The following LPP variants were observed in gnomAD, a reference collection of about 807,000 sequenced individuals.
The protein encoded by LPP is LIM domain containing preferred translocation partner in lipoma.
A neutral mutation model predicts 60.4 loss-of-function variants in LPP; 38 were observed. The ratio of observed to expected loss-of-function variants is 0.63; its 90% CI spans 0.49 to 0.83. The LOEUF is 0.83. LPP is among the 40% of genes least tolerant of loss of function. The pLI, the probability that LPP is intolerant of heterozygous loss-of-function variation, is 0.00. For missense variants in LPP, 902 were observed against 783.6 expected (o/e 1.15, Z -1.80); for synonymous variants, 328 against 290.8 (o/e 1.13, Z -1.30).
intron 4 of LPP, among the ~76,000 whole-genome samples, chr3:188,447,451 A>G (rs1795490310): frequency 6.6e-6 from 1 of 152,060 alleles, no homozygotes; most frequent in Non-Finnish European, 1.5e-5. Context: ...CTCTACTAAA[A>G]ATACAAAAAT....
intron 7 of LPP, among the ~76,000 whole-genome samples, chr3:188,700,376 C>T (rs763203210): frequency 3.3e-5 from 5 of 152,056 alleles, no homozygotes; most frequent in East Asian, 1.9e-4. Flanking sequence ...GCTGACATTG[C>T]GACAGATAGT....
At chr3:188,434,492 G>A (rs1178039074) in intron 4 of LPP, among the ~76,000 whole-genome samples, 1 of 152,128 alleles carries the variant, frequency 6.6e-6, no homozygotes, top group Admixed American at 6.6e-5. Flanking sequence ...GATTTTACTA[G>A]AGTGGTGCCA....
intron 8 of LPP, among the ~76,000 whole-genome samples, chr3:188,737,589 A>T (rs560842365): frequency 1.2e-4 from 19 of 152,238 alleles, no homozygotes; most frequent in Admixed American, 1.1e-3. Flanking sequence ...CAGTTGTGAG[A>T]TGGAGGCAGC....
At chr3:188,439,172 A>G (rs1793135859) in intron 4 of LPP, among the ~76,000 whole-genome samples, 2 of 152,152 alleles carry the variant, frequency 1.3e-5, no homozygotes, top group African/African-American at 4.8e-5. Context: ...GTCACCAGCC[A>G]CCTTTTCTAT....
intron 6 of LPP, among the ~76,000 whole-genome samples, chr3:188,596,607 T>G (rs556396637): frequency 6.6e-6 from 1 of 152,214 alleles, no homozygotes; most frequent in African/African-American, 2.4e-5. Flanking sequence ...GAGTGTTTTC[T>G]GCAAAGAGGA....
chr3:188,194,199 A>G (rs1459604509), intron 1 of LPP, among the ~76,000 whole-genome samples: 1 of 152,226 alleles, frequency 6.6e-6, no homozygotes, highest in African/African-American at 2.4e-5. Context: ...GTAAATTTAG[A>G]CAGCAAAAGA....
chr3:188,523,245 C>A (rs1475225747), intron 5 of LPP, among the ~76,000 whole-genome samples: 1 of 152,022 alleles, frequency 6.6e-6, no homozygotes, highest in Admixed American at 6.6e-5. Context: ...AACAAGGAAG[C>A]CAACTGCCTC....
intron 8 of LPP, among the ~76,000 whole-genome samples, chr3:188,743,107 C>A (rs1725012628): frequency 1.3e-5 from 2 of 152,108 alleles, no homozygotes; most frequent in African/African-American, 4.8e-5. Context: ...TTTGCTGAAC[C>A]ATACCTCATA....
At chr3:188,324,661 T>C (rs1246377913) in intron 2 of LPP, among the ~76,000 whole-genome samples, 1 of 152,210 alleles carries the variant, frequency 6.6e-6, no homozygotes, top group East Asian at 1.9e-4. Context: ...TTGCCATGAC[T>C]ATGGCAATAG....
Position 188,282,018 on chromosome 3 carries a change from C to CT in LPP, c.-67+56498dup, listed in dbSNP as rs370011093. ...TTGCCCTTTGGGAGACGTTTCTTCCCTTTTTTTGTGTCTTTCTACCTTGTC... is the reference window on the plus strand; with the variant it reads ...TTGCCCTTTGGGAGACGTTTCTTCCCTTTTTTTTGTGTCTTTCTACCTTGTC... On this transcript the variant is annotated intron_variant, in intron 2 of 11. Transcript: ENST00000617246. Among the ~76,000 whole-genome samples, 8 of 152,116 alleles carry CT rather than the reference C, an allele frequency of 5.3e-5. No homozygotes were observed. The East Asian group carries it at 7.7e-4, about 15-fold the overall frequency.
intron 9 of LPP, among the ~76,000 whole-genome samples, chr3:188,853,077 G>A (rs1763043791): frequency 6.6e-6 from 1 of 152,116 alleles, no homozygotes; most frequent in Non-Finnish European, 1.5e-5. Flanking sequence ...TTGAACCCGG[G>A]AAGTGGAGGT....
rs56278922 is a variant in LPP, at chr3:188,311,471, T to TCTAAACTAAACTAAA, written c.-66-30146_-66-30132dup. ...TTGGATAATGGAGCGAGACCCTATCTCTAAACTAAACTAAACTAAACTAAA... is the reference window on the plus strand; with the variant it reads ...TTGGATAATGGAGCGAGACCCTATCTCTAAACTAAACTAAACTAAACTAAACTAAACTAAACTAAA... On this transcript the variant is annotated intron_variant, in intron 2 of 11. Transcript: ENST00000617246. Among the ~76,000 whole-genome samples the TCTAAACTAAACTAAA allele has an allele frequency of 5.1e-3, 725 of 142,056 alleles. 5 individuals are homozygous for TCTAAACTAAACTAAA. Among genetic ancestry groups the TCTAAACTAAACTAAA allele is most frequent in the Middle Eastern group, 0.014 (4 of 278 alleles). 93.2% of individuals were successfully genotyped at this position (142,056 alleles called of 152,430 possible).
intron 2 of LPP, among the ~76,000 whole-genome samples, chr3:188,303,611 A>G (rs1280089808): frequency 1.3e-5 from 2 of 152,280 alleles, no homozygotes; most frequent in East Asian, 1.9e-4. Context: ...AGTATATGTC[A>G]CCAGCGGTGG....
chr3:188,498,348 C>A (rs186299792), intron 5 of LPP, among the ~76,000 whole-genome samples: 73 of 152,202 alleles, frequency 4.8e-4, no homozygotes, highest in African/African-American at 1.7e-3. Context: ...CACCAATAAC[C>A]CCCCATTCCA....
At chr3:188,180,328 C>T (rs1448342023) in intron 1 of LPP, 1 of 155,078 alleles carries the variant, frequency 6.4e-6, no homozygotes, top group East Asian at 1.9e-4. Flanking sequence ...TGGCTGTCCC[C>T]TGCCAGTCAT....
intron 9 of LPP, among the ~76,000 whole-genome samples, chr3:188,863,174 T>C (rs1466688289): frequency 6.6e-6 from 1 of 152,212 alleles, no homozygotes; most frequent in Non-Finnish European, 1.5e-5. Context: ...TTTTCTATTG[T>C]TGTTAATACT....
rs537339447 is a variant in LPP, at chr3:188,534,813, ACT to A, written c.429+10028_429+10029del. 8.5e-5 allele frequency among the ~76,000 whole-genome samples: 13 copies of A among 152,284 alleles called. No homozygotes were observed. In the East Asian group the frequency reaches 2.3e-3, roughly 27 times the overall value. On this transcript the variant is annotated intron_variant, in intron 6 of 11. Transcript: ENST00000617246. ...GACAGAAGGTTGGAGGTGGTTAATA[ACT>A]CATCCTACATATCACAATTTTTCAT...
rs1769635623 is a variant in LPP, at chr3:188,879,234, T to G, written c.*4755T>G. ...TGAAGCTACTATGACTTGGTAAGGA[T>G]TCTTCCTCTCTTGCTTTCTTCCTCC... On this transcript the variant is annotated 3_prime_UTR_variant, in exon 12 of 12. Transcript: ENST00000617246. 1 of 230,966 alleles carries G rather than the reference T, an allele frequency of 4.3e-6. No homozygotes were observed. Among genetic ancestry groups the G allele is most frequent in the Non-Finnish European group, 8.6e-6 (1 of 116,712 alleles). 14.3% of individuals were successfully genotyped at this position (230,966 alleles called of 1,614,324 possible). A position where few individuals can be genotyped will look rare whatever the true frequency, so the allele number is the denominator to read the frequency against.
At chr3:188,518,292 A>G (rs1817955877) in intron 5 of LPP, among the ~76,000 whole-genome samples, 1 of 152,222 alleles carries the variant, frequency 6.6e-6, no homozygotes, top group Non-Finnish European at 1.5e-5. Context: ...ATTACTGACC[A>G]TAATAGAAAA....
Sources: allele counts gnomAD v4.1 joint callset (sites outside exome capture counted in the v4.1 genomes callset), GRCh38; gene constraint gnomAD v4.1.1; transcripts MANE v1.5; gene names NCBI Gene and HGNC (gene_info 2026-07-23, HGNC 2026-07-21).